CDKL3: variants seen among roughly 807,000 people sequenced by gnomAD.
CDKL3 encodes cyclin-dependent kinase-like 3.
CDKL3 carries 65 observed loss-of-function variants against 69.3 expected under a neutral mutation model. That is an observed-to-expected ratio of 0.94 (90% CI 0.77 to 1.15). The LOEUF (loss-of-function observed/expected upper bound fraction) is 1.15, where lower values mean the gene tolerates loss of function less well. Among genes scored for constraint, CDKL3 ranks in the 50% most tolerant of loss-of-function variants. The pLI, the probability that CDKL3 is intolerant of heterozygous loss-of-function variation, is 0.00. For missense variants in CDKL3, 652 were observed against 689.2 expected (o/e 0.95, Z 0.61); for synonymous variants, 202 against 221.6 (o/e 0.91, Z 0.79).
intron 3 of CDKL3, among the ~76,000 whole-genome samples, chr5:134,353,245 C>G (rs1753752402): frequency 6.6e-6 from 1 of 152,150 alleles, no homozygotes; most frequent in African/African-American, 2.4e-5. Context: ...CCTTTAAATT[C>G]AGCAAATCTA....
Position 134,304,518 on chromosome 5 carries a change from T to A in CDKL3, c.1508A>T (p.Gln503Leu). 1 of 1,612,956 alleles carries A rather than the reference T, an allele frequency of 6.2e-7. No homozygotes were observed. Among genetic ancestry groups the A allele is most frequent in the Non-Finnish European group, 8.5e-7 (1 of 1,179,490 alleles). ...CTTCCTTTTGTTCTCATTTGCCATT[T>A]GGTCACTGTGACCTGTTCGCTCATT... ...IFNERTGHSD[Q>L]MANENKRKLN... Residue 503 changes from glutamine (Q) to leucine (L), a missense_variant, in exon 11 of 13, where the codon CAA (glutamine) becomes CTA (leucine). Physicochemically the swap from Gln to Leu is moderately radical, Grantham distance 113 (BLOSUM62 -2). Coordinates refer to ENST00000265334, the MANE Select transcript of CDKL3 (RefSeq NM_001113575.2).
intron 12 of CDKL3, chr5:134,302,352 T>C (rs1012601626): frequency 2.1e-6 from 1 of 467,236 alleles, no homozygotes; most frequent in African/African-American, 2.0e-5. Flanking sequence ...ACAATACAGA[T>C]AATATTTTCC....
intron 6 of CDKL3, 138 bp from the exon 7 acceptor site, chr5:134,312,518 A>G (rs1446467600): frequency 1.8e-6 from 1 of 550,678 alleles, no homozygotes; most frequent in Non-Finnish European, 3.1e-6. Flanking sequence ...ATTAGACCTC[A>G]GGAACTTCTG....
At chr5:134,330,081 G>C (rs1329894644) in intron 4 of CDKL3, among the ~76,000 whole-genome samples, 1 of 151,962 alleles carries the variant, frequency 6.6e-6, no homozygotes, top group Non-Finnish European at 1.5e-5. Flanking sequence ...TATTCTCAGT[G>C]TAAGATCCAT....
downstream of CDKL3, among the ~76,000 whole-genome samples, chr5:134,295,321 T>C (rs1765302738): frequency 6.6e-6 from 1 of 152,196 alleles, no homozygotes; most frequent in Admixed American, 6.5e-5. Flanking sequence ...CTGGCCTTGA[T>C]ATTGTTAAGA....
chr5:134,312,379 G>A lies in CDKL3; in HGVS notation c.794C>T (p.Ala265Val). 6.4e-7 allele frequency: 1 copy of A among 1,567,404 alleles called. No homozygotes were observed. Among genetic ancestry groups the A allele is most frequent in the Admixed American group, 2.0e-5 (1 of 51,266 alleles). Residue 265 changes from alanine to valine, a missense_variant and splice_region_variant, in exon 7 of 13, where the codon GCT (alanine) becomes GTT (valine). Ala to Val is a moderately conservative substitution (Grantham distance 64). Coordinates refer to ENST00000265334, the MANE Select transcript of CDKL3 (RefSeq NM_001113575.2). ...GTCAGCAGGATCAATTTGTAAACAA[G>A]CCTAGGAAAGGAAAAAGATTTTAAT... ...LNGLLADIVH[A>V]CLQIDPADRI...
chr5:134,311,057 G>A (rs901541500), intron 7 of CDKL3, among the ~76,000 whole-genome samples: 7 of 152,172 alleles, frequency 4.6e-5, no homozygotes, highest in Non-Finnish European at 8.8e-5. Context: ...AATAGAAAAT[G>A]GTGTTTTTTT....
At chr5:134,338,783 AAGG>A (rs1749692101) in intron 4 of CDKL3, among the ~76,000 whole-genome samples, 1 of 152,210 alleles carries the variant, frequency 6.6e-6, no homozygotes, top group African/African-American at 2.4e-5. Flanking sequence ...TAATGCAGCA[AAGG>A]AGGAGCAAGA....
downstream of CDKL3, among the ~76,000 whole-genome samples, chr5:134,297,774 G>A (rs190534850): frequency 2.9e-3 from 434 of 151,842 alleles, no homozygotes; most frequent in African/African-American, 9.8e-3. Flanking sequence ...TAGAGATGGG[G>A]TTTCTCCATG....
intron 4 of CDKL3, among the ~76,000 whole-genome samples, chr5:134,345,064 C>CA (rs1043991812): frequency 5.3e-5 from 8 of 149,692 alleles, no homozygotes; most frequent in Admixed American, 2.7e-4. Context: ...GACTCTGTCT[C>CA]AAAAAAAATA....
chr5:134,294,200 G>C (rs1765247027), downstream of CDKL3, among the ~76,000 whole-genome samples: 1 of 152,154 alleles, frequency 6.6e-6, no homozygotes, highest in South Asian at 2.1e-4. Flanking sequence ...TGTAGGGTTG[G>C]TTTAACATTC....
At chr5:134,368,658 C>T (rs1757985887), upstream of CDKL3, among the ~76,000 whole-genome samples, 1 of 143,964 alleles carries the variant, frequency 6.9e-6, no homozygotes, top group South Asian at 2.2e-4. Flanking sequence ...TATTCAACCA[C>T]AATATAAAAT....
chr5:134,312,564 T>C (rs1240164475), intron 6 of CDKL3, among the ~76,000 whole-genome samples, 184 bp from the exon 7 acceptor site: 2 of 152,272 alleles, frequency 1.3e-5, no homozygotes, highest in African/African-American at 2.4e-5. Context: ...CCTAAGGAAT[T>C]TGCACTTGCA....
At chr5:134,304,831 A>ATT (rs1382513027) in intron 10 of CDKL3, among the ~76,000 whole-genome samples, 37 of 146,988 alleles carry the variant, frequency 2.5e-4, no homozygotes, top group African/African-American at 9.0e-4. Flanking sequence ...TAATAATAAT[A>ATT]ATATTATTAT....
Position 134,361,248 on chromosome 5 carries a change from T to G in CDKL3, c.166-1157A>C, listed in dbSNP as rs576180874. Reference sequence around the variant, plus strand: ...TGTTCAATTAGCTAAAAATGAAGGGTTTTTTTTTGTTTTTTTTTTTAAGAG... The same window carrying G: ...TGTTCAATTAGCTAAAAATGAAGGGGTTTTTTTTGTTTTTTTTTTTAAGAG... On this transcript the variant is annotated intron_variant, in intron 2 of 12. Transcript: ENST00000265334. Among the ~76,000 whole-genome samples the G allele has an allele frequency of 8.4e-4, 126 of 150,482 alleles. 1 individual carries two copies. The South Asian group carries it at 0.012, about 14-fold the overall frequency.
At chr5:134,297,635 G>A (rs1765425962), downstream of CDKL3, among the ~76,000 whole-genome samples, 1 of 150,658 alleles carries the variant, frequency 6.6e-6, no homozygotes, top group Admixed American at 6.6e-5. Flanking sequence ...AGGCTGGAGT[G>A]CAATGGCACG....
intron 2 of CDKL3, among the ~76,000 whole-genome samples, chr5:134,363,457 CTT>C (rs869177235): frequency 5.0e-3 from 532 of 105,430 alleles, no homozygotes; most frequent in African/African-American, 0.017. Flanking sequence ...CCATGGCCGG[CTT>C]TTTTTTTTTT....
intron 12 of CDKL3, among the ~76,000 whole-genome samples, chr5:134,300,460 CTATCT>C (rs1053504744): frequency 6.6e-6 from 1 of 152,164 alleles, no homozygotes; most frequent in African/African-American, 2.4e-5. Context: ...TAGCAATTCC[CTATCT>C]TATGTTTTTA....
At position 134,350,345 on chromosome 5, in the gene CDKL3, C is replaced by A; in HGVS notation, c.443G>T (p.Arg148Leu). The A allele has an allele frequency of 6.3e-7, 1 of 1,589,800 alleles. No individual in the cohort carries two copies. Among genetic ancestry groups the A allele is most frequent in the Non-Finnish European group, 8.6e-7 (1 of 1,167,522 alleles). Residue 148 changes from arginine to leucine, a missense_variant, in exon 4 of 13, where the codon CGA (arginine) becomes CTA (leucine). Arg to Leu is a moderately radical substitution (Grantham distance 102). Coordinates refer to ENST00000265334, the MANE Select transcript of CDKL3 (RefSeq NM_001113575.2). The stretch of plus-strand genomic sequence containing the variant: ...AATGTCCCCAGGAGCTGCTAGTGTT[C>A]GTGCAAAACCAAAATCACAGAGCTT... ...ITKLCDFGFA[R>L]TLAAPGDIYT...
Sources: allele counts gnomAD v4.1 joint callset (sites outside exome capture counted in the v4.1 genomes callset), GRCh38; gene constraint gnomAD v4.1.1; transcripts MANE v1.5; gene names NCBI Gene and HGNC (gene_info 2026-07-23, HGNC 2026-07-21).